The following CHODL variants were observed in gnomAD, a reference collection of about 807,000 sequenced individuals.
CHODL encodes transmembrane protein MT75.
In CHODL, 29 loss-of-function variants were observed where a neutral mutation model predicts 34.5. The observed-to-expected ratio is 0.84, with a 90% CI of 0.63 to 1.15. The LOEUF (loss-of-function observed/expected upper bound fraction) is 1.15. Among genes scored for constraint, CHODL ranks in the 50% most tolerant of loss-of-function variants. The probability of loss-of-function intolerance (pLI) is 0.00; values close to 1 mark genes in which losing one functional copy is unlikely to be tolerated. For synonymous variants in CHODL, 125 were observed against 116.1 expected, an observed-to-expected ratio of 1.08 and a Z score of -0.49; for missense variants, 332 against 332.5, an observed-to-expected ratio of 1.00 and a Z score of 0.01.
chr21:17,968,656 A>G (rs965150188), intron 1 of CHODL, among the ~76,000 whole-genome samples: 1 of 152,150 alleles, frequency 6.6e-6, no homozygotes, highest in Non-Finnish European at 1.5e-5. Context: ...CCCTCTCCCT[A>G]GTCTCTAGCA....
chr21:18,245,391 C>G (rs1460021111), intron 1 of CHODL, 89 bp downstream of exon 1: 1 of 1,175,624 alleles, frequency 8.5e-7, no homozygotes, highest in Non-Finnish European at 1.2e-6. Context: ...GGAGGCTCTC[C>G]GGGGCGTTGG....
chr21:18,056,789 C>T (rs1233426665), intron 2 of CHODL, among the ~76,000 whole-genome samples: 1 of 151,962 alleles, frequency 6.6e-6, no homozygotes, highest in Non-Finnish European at 1.5e-5. Context: ...AATATCTTCT[C>T]TAATTTTTCT....
intron 1 of CHODL, among the ~76,000 whole-genome samples, chr21:17,935,628 A>G (rs1017769003): frequency 3.9e-5 from 6 of 152,262 alleles, no homozygotes; most frequent in Admixed American, 6.5e-5. Context: ...AGTTGGATAA[A>G]TTAGATATAT....
intron 2 of CHODL, among the ~76,000 whole-genome samples, chr21:18,113,221 T>C (rs1280809397): frequency 6.6e-6 from 1 of 152,110 alleles, no homozygotes; most frequent in African/African-American, 2.4e-5. Context: ...CAGTGAGATA[T>C]CATCTCACCT....
At chr21:18,241,896 A>C (rs899824852), upstream of CHODL, among the ~76,000 whole-genome samples, 9 of 151,852 alleles carry the variant, frequency 5.9e-5, no homozygotes, top group African/African-American at 1.9e-4. Flanking sequence ...TTTTACTGAG[A>C]TCATCCTTCT....
chr21:18,042,909 C>T (rs1203309953), intron 2 of CHODL, among the ~76,000 whole-genome samples: 2 of 151,678 alleles, frequency 1.3e-5, no homozygotes, highest in Non-Finnish European at 2.9e-5. Context: ...ATGTTCTGGC[C>T]ATTTTTTTTT....
At chr21:18,134,139 C>A (rs1171917076) in intron 2 of CHODL, among the ~76,000 whole-genome samples, 2 of 152,238 alleles carry the variant, frequency 1.3e-5, no homozygotes, top group East Asian at 3.9e-4. Flanking sequence ...CTCTCTCATG[C>A]CCCTTTTTAT....
At chr21:18,244,392 A>G (rs1408926718), upstream of CHODL, among the ~76,000 whole-genome samples, 2 of 152,218 alleles carry the variant, frequency 1.3e-5, no homozygotes, top group African/African-American at 2.4e-5. Flanking sequence ...CTGCCACATT[A>G]TATAATTCAC....
chr21:17,947,544 GACACACAC>G (rs34768313), intron 1 of CHODL, among the ~76,000 whole-genome samples: 6 of 149,554 alleles, frequency 4.0e-5, no homozygotes, highest in African/African-American at 1.5e-4. Flanking sequence ...CACACACACA[GACACACAC>G]ACACACACAC....
At chr21:17,943,181 T>C (rs1396695237) in intron 1 of CHODL, among the ~76,000 whole-genome samples, 1 of 152,236 alleles carries the variant, frequency 6.6e-6, no homozygotes, top group Non-Finnish European at 1.5e-5. Context: ...AAGTTGACTT[T>C]AGTAATGAAG....
chr21:18,021,773 G>A (rs2064129615), intron 1 of CHODL, among the ~76,000 whole-genome samples: 1 of 62 alleles, frequency 0.016, no homozygotes, highest in South Asian at 0.25. Context: ...AGCCCTTCAT[G>A]AGTGGAAAAA....
At chr21:17,946,172 C>T (rs559286011) in intron 1 of CHODL, among the ~76,000 whole-genome samples, 3 of 152,312 alleles carry the variant, frequency 2.0e-5, no homozygotes, top group African/African-American at 7.2e-5. Flanking sequence ...AATCCCAGCA[C>T]TTTGGGAGGC....
chr21:18,084,876 C>T (rs967000126), intron 2 of CHODL, among the ~76,000 whole-genome samples: 2 of 151,332 alleles, frequency 1.3e-5, no homozygotes, highest in African/African-American at 4.9e-5. Context: ...GTTAAAGTCC[C>T]CCACTATTAT....
chr21:18,103,478 T>C (rs575423312), intron 2 of CHODL, among the ~76,000 whole-genome samples: 27 of 152,288 alleles, frequency 1.8e-4, no homozygotes, highest in Middle Eastern at 3.4e-3. Flanking sequence ...TAAAACTCAG[T>C]GTCTTAAAAC....
rs192717882 is a variant in CHODL, at chr21:18,060,094, G to A, written c.-45+32123G>A. 1.4e-3 allele frequency among the ~76,000 whole-genome samples: 215 copies of A among 152,158 alleles called. 2 individuals carry two copies. Among genetic ancestry groups the A allele is most frequent in the African/African-American group, 4.9e-3 (203 of 41,494 alleles). ...TATTTGATGTGGAAGTCCCCCCACT[G>A]ATCGCTTCGTATCAATTTTTGCCTC... On this transcript the variant is annotated intron_variant, in intron 2 of 6. Transcript: ENST00000400127.
intron 1 of CHODL, among the ~76,000 whole-genome samples, chr21:17,930,216 A>T (rs1192688297): frequency 1.3e-5 from 2 of 151,652 alleles, no homozygotes; most frequent in African/African-American, 4.9e-5. Context: ...CACAGCTGTT[A>T]GCTTTCACTG....
intron 2 of CHODL, among the ~76,000 whole-genome samples, chr21:18,195,754 G>A (rs2073579642): frequency 6.6e-6 from 1 of 152,152 alleles, no homozygotes; most frequent in Non-Finnish European, 1.5e-5. Context: ...CAAACTTAAT[G>A]AAAGCAGGGA....
At chr21:18,185,887 A>G (rs1431997080) in intron 2 of CHODL, among the ~76,000 whole-genome samples, 2 of 152,122 alleles carry the variant, frequency 1.3e-5, no homozygotes, top group African/African-American at 4.8e-5. Context: ...TAAAATTACT[A>G]ATCCCATTCA....
chr21:18,102,970 T>A (rs2065232916), intron 2 of CHODL, among the ~76,000 whole-genome samples: 2 of 152,184 alleles, frequency 1.3e-5, no homozygotes, highest in South Asian at 4.1e-4. Context: ...CTAATCTCTC[T>A]TCTGGAATCC....
Sources: gnomAD v4.1 joint callset for allele counts (sites outside exome capture counted in the v4.1 genomes callset) on GRCh38, gnomAD v4.1.1 for gene constraint, MANE v1.5 for transcripts, NCBI Gene and HGNC (gene_info 2026-07-23, HGNC 2026-07-21) for gene names.